The following SRPRA variants were observed in gnomAD, a reference collection of about 807,000 sequenced individuals.
The protein encoded by SRPRA is SRP receptor subunit alpha.
A neutral mutation model predicts 61.1 loss-of-function variants in SRPRA; 30 were observed. That is an observed-to-expected ratio of 0.49 (90% CI 0.37 to 0.67). The LOEUF is 0.67. Among genes scored for constraint, SRPRA ranks in the 30% least tolerant of loss-of-function variants. SRPRA has a pLI of 0.00. For synonymous variants in SRPRA, 324 were observed against 299.7 expected (o/e 1.08, Z -0.84); for missense variants, 759 against 828.4 (o/e 0.92, Z 1.03).
chr11:126,245,765 G>A, the SRPRA span, among the ~76,000 whole-genome samples: 4 of 152,126 alleles, frequency 2.6e-5, no homozygotes, highest in Non-Finnish European at 5.9e-5. Flanking sequence ...GGGTGGCCAA[G>A]GCAGGCGGAT....
chr11:126,268,682 C>T lies in SRPRA; in HGVS notation c.117+6G>A. ...GCCTGGAGTTCTGATCCCACGGGGA[C>T]GGTACCTGCAGCAGCACGGAACGAA... is the stretch of plus-strand genomic sequence containing the variant. On this transcript the variant is annotated splice_donor_region_variant and intron_variant, in intron 1 of 13. Coordinates refer to ENST00000332118, the MANE Select transcript of SRPRA (RefSeq NM_003139.4). 6.2e-7 allele frequency: 1 copy of T among 1,610,934 alleles called. No individual in the cohort carries two copies. The highest frequency in any genetic ancestry group is 8.5e-7 in the Non-Finnish European group (1 of 1,177,480).
At position 126,265,885 on chromosome 11, in the gene SRPRA, G is replaced by A. The variant is rs1224134753; in HGVS notation, c.1052-62C>T. 6.2e-7 allele frequency: 1 copy of A among 1,611,338 alleles called. No individual in the cohort carries two copies. Among genetic ancestry groups the A allele is most frequent in the Non-Finnish European group, 8.5e-7 (1 of 1,177,514 alleles). On this transcript the variant is annotated intron_variant, in intron 8 of 13. Transcript: ENST00000332118. This position sits in a 1 kb window ranked among gnomAD's most constrained non-coding sequence, Gnocchi z 6.3. ...AGCAATGACCAATCTTTATGGTACA[G>A]GTGAGAAACGCTAGGTGATTCTGCT...
the SRPRA span, among the ~76,000 whole-genome samples, chr11:126,249,190 C>T: frequency 6.6e-6 from 1 of 151,894 alleles, no homozygotes; most frequent in East Asian, 2.0e-4. Context: ...ACCTGGACAA[C>T]ATAGCCAGAC....
downstream of SRPRA, chr11:126,262,036 G>A (rs1950711774): frequency 7.4e-7 from 1 of 1,355,840 alleles, no homozygotes; most frequent in Admixed American, 1.7e-5. Context: ...TGAAGGGTTA[G>A]GATTGACTTA....
downstream of SRPRA, chr11:126,262,170 G>C: frequency 6.2e-7 from 1 of 1,608,736 alleles, no homozygotes; most frequent in Non-Finnish European, 8.5e-7. Context: ...AGACCAAGCT[G>C]TAAGGCCCTA....
At chr11:126,244,579 G>A in the SRPRA span, among the ~76,000 whole-genome samples, 438 of 152,272 alleles carry the variant, frequency 2.9e-3, 7 homozygotes, top group Non-Finnish European at 5.0e-4. This position sits in a 1 kb window ranked among gnomAD's most constrained non-coding sequence, Gnocchi z 4.5. Context: ...CGAGGTGGGC[G>A]GATCACCTGA....
At chr11:126,266,957 G>T (rs1270536217) in intron 4 of SRPRA, 35 bp from the exon 5 acceptor site, 1 of 1,602,574 alleles carries the variant, frequency 6.2e-7, no homozygotes, top group South Asian at 1.1e-5. Context: ...GAAAAAAGAA[G>T]ACCAATCCCA....
At chr11:126,250,478 A>G in the SRPRA span, 1 of 1,519,656 alleles carries the variant, frequency 6.6e-7, no homozygotes, top group Non-Finnish European at 9.1e-7. The surrounding 1 kb of genome is among the most constrained non-coding windows in gnomAD (Gnocchi z 5.1). Context: ...ACTTTGGACT[A>G]ATTTTCTTTT....
In SRPRA at chr11:126,264,752, C is replaced by G. The variant is rs1163688698; in HGVS notation, c.1525+207G>C. On this transcript the variant is annotated intron_variant, in intron 11 of 13. Transcript: ENST00000332118. This position sits in a 1 kb window ranked among gnomAD's most constrained non-coding sequence, Gnocchi z 5.0. ...ACAACAGGATGAAGGTGACCAAATTCAGGTTTCTCTGGTTAAGGTATATTA... is the reference window on the plus strand; with the variant it reads ...ACAACAGGATGAAGGTGACCAAATTGAGGTTTCTCTGGTTAAGGTATATTA... The G allele has an allele frequency of 2.6e-6, 2 of 756,488 alleles. No individual in the cohort carries two copies. The highest frequency in any genetic ancestry group is 2.7e-5 in the East Asian group (1 of 37,044). The allele number at this position is 756,488 out of a possible 1,614,324, so 46.9% of individuals were successfully genotyped here.
the SRPRA span, chr11:126,254,362 T>C: frequency 6.2e-7 from 1 of 1,614,216 alleles, no homozygotes; most frequent in Non-Finnish European, 8.5e-7. Context: ...TCACGGAGTC[T>C]ACACCAACCC....
the SRPRA span, among the ~76,000 whole-genome samples, chr11:126,248,779 A>G: frequency 6.6e-6 from 1 of 152,210 alleles, no homozygotes; most frequent in Admixed American, 6.5e-5. Flanking sequence ...ACGTCTTACT[A>G]GGTCTCGCCT....
the SRPRA span, among the ~76,000 whole-genome samples, chr11:126,243,933 T>C: frequency 1.3e-5 from 2 of 148,916 alleles, no homozygotes; most frequent in African/African-American, 4.9e-5. Context: ...TGCATATCAA[T>C]ATAATGCATC....
In SRPRA at chr11:126,264,195, T is replaced by G; in HGVS notation, c.1784A>C (p.Asp595Ala). Residue 595 changes from aspartate (D) to alanine (A), a missense_variant, in exon 13 of 14, where the codon GAC becomes GCC. Around this residue, in one of 2 missense-constraint regions of SRPRA, gnomAD observed 284 missense variants for 365.9 expected, o/e 0.78. Coordinates refer to ENST00000332118, the MANE Select transcript of SRPRA (RefSeq NM_003139.4). This position sits in a 1 kb window ranked among gnomAD's most constrained non-coding sequence, Gnocchi z 5.0. ...IVLTKFDTID[D>A]KVGAAISMTY... The stretch of plus-strand genomic sequence containing the variant: ...AGCCTCCAGTCTCACGTTTACCTTG[T>G]CATCAATGGTATCAAATTTGGTAAG... 7 of 1,614,070 alleles carry G rather than the reference T, an allele frequency of 4.3e-6. No homozygotes were observed. The highest frequency in any genetic ancestry group is 5.9e-6 in the Non-Finnish European group (7 of 1,179,980).
the SRPRA span, among the ~76,000 whole-genome samples, chr11:126,236,105 G>C: frequency 4.6e-5 from 7 of 152,282 alleles, no homozygotes; most frequent in African/African-American, 1.7e-4. Context: ...CTCCAGTCCT[G>C]TTGCGTTCCT....
chr11:126,264,798 T>C lies in SRPRA; in HGVS notation c.1525+161A>G. 1.2e-6 allele frequency: 1 copy of C among 814,702 alleles called. No individual in the cohort carries two copies. The highest frequency in any genetic ancestry group is 1.9e-6 in the Non-Finnish European group (1 of 531,498). The allele number at this position is 814,702 out of a possible 1,614,324, so 50.5% of individuals were successfully genotyped here. A position where few individuals can be genotyped will look rare whatever the true frequency, so the allele number is the denominator to read the frequency against. ...TATTAGCTTTGCCTGCAACTACATCTGTTATCCAAAAGCAGAGCATGGCAA... is the reference window on the plus strand; with the variant it reads ...TATTAGCTTTGCCTGCAACTACATCCGTTATCCAAAAGCAGAGCATGGCAA... On this transcript the variant is annotated intron_variant, in intron 11 of 13. Transcript: ENST00000332118. This position sits in a 1 kb window ranked among gnomAD's most constrained non-coding sequence, Gnocchi z 5.0.
At chr11:126,258,126 G>T (rs1424307678), downstream of SRPRA, among the ~76,000 whole-genome samples, 1 of 152,180 alleles carries the variant, frequency 6.6e-6, no homozygotes, top group Non-Finnish European at 1.5e-5. Flanking sequence ...AAAAGTACAG[G>T]TAATTTGTCC....
the SRPRA span, chr11:126,240,966 CA>C: frequency 6.8e-6 from 11 of 1,613,722 alleles, no homozygotes; most frequent in African/African-American, 1.3e-5. Context: ...ATGAGGAGAG[CA>C]AAAAGTTTCA....
At chr11:126,262,214 A>C, downstream of SRPRA, 4 of 1,467,288 alleles carry the variant, frequency 2.7e-6, no homozygotes, top group Non-Finnish European at 3.8e-6. Context: ...AACTTACAAG[A>C]ACCCAACACA....
At chr11:126,240,491 A>G in the SRPRA span, among the ~76,000 whole-genome samples, 4 of 152,140 alleles carry the variant, frequency 2.6e-5, no homozygotes, top group African/African-American at 2.4e-5. Context: ...GCTATAGTCT[A>G]TTTGGATCTT....
Sources: gnomAD v4.1 joint callset for allele counts (sites outside exome capture counted in the v4.1 genomes callset) on GRCh38, gnomAD v4.1.1 for gene constraint, gnomAD v4.1.1 regional missense constraint, Gnocchi (gnomAD v3.1) non-coding constraint, MANE v1.5 for transcripts, NCBI Gene and HGNC (gene_info 2026-07-23, HGNC 2026-07-21) for gene names.